Variants in NSF observed in about 807,000 individuals in gnomAD.
The protein encoded by NSF is N-ethylmaleimide sensitive factor, vesicle fusing ATPase, also known as vesicle-fusing ATPase.
NSF carries 14 observed loss-of-function variants against 50.3 expected under a neutral mutation model. The ratio of observed to expected loss-of-function variants is 0.28; its 90% CI spans 0.18 to 0.44. The LOEUF is 0.44. Ranked by LOEUF, NSF falls within the 20% of genes least tolerant of loss-of-function variation. NSF has a pLI of 1.00. For synonymous variants in NSF, 109 were observed against 175.7 expected, an observed-to-expected ratio of 0.62 and a Z score of 3.00; for missense variants, 218 against 504.3, an observed-to-expected ratio of 0.43 and a Z score of 5.44.
At chr17:46,597,768 T>TTTG (rs200558646) in intron 1 of NSF, among the ~76,000 whole-genome samples, 15,752 of 130,940 alleles carry the variant, frequency 0.12, 2,849 homozygotes, top group East Asian at 0.58. Flanking sequence ...ATCAAATGTT[T>TTTG]TTGTTGTTGT....
chr17:46,736,201 G>A (rs1240275444), intron 17 of NSF, among the ~76,000 whole-genome samples: 3 of 152,142 alleles, frequency 2.0e-5, no homozygotes. Context: ...GGGGATTAGG[G>A]ATTCCTGTTG....
chr17:46,745,285 TAATACACA>T (rs2059116895), intron 17 of NSF, among the ~76,000 whole-genome samples: 1 of 152,186 alleles, frequency 6.6e-6, no homozygotes, highest in Non-Finnish European at 1.5e-5. Flanking sequence ...TACCACTAAT[TAATACACA>T]AAATGGCCCA....
chr17:46,712,851 A>G (rs1318739952), intron 14 of NSF, among the ~76,000 whole-genome samples: 1 of 152,216 alleles, frequency 6.6e-6, no homozygotes, highest in Non-Finnish European at 1.5e-5. Context: ...GTGTTACAGA[A>G]GCCAAGAAAA....
chr17:46,739,821 C>T (rs1351014701), intron 17 of NSF, among the ~76,000 whole-genome samples: 3 of 151,892 alleles, frequency 2.0e-5, no homozygotes, highest in Non-Finnish European at 4.4e-5. Context: ...GCCTCAGCCT[C>T]CCAAGTAGCT....
In NSF at chr17:46,719,461, A is replaced by G. The variant is rs760282920; in HGVS notation, c.1761+5475A>G. ...AGTAGTTTATTCTCAATTAATTTAA[A>G]ATTCACCTTGTACTTCTCTTAATTT... On this transcript the variant is annotated intron_variant, in intron 15 of 20. Transcript: ENST00000398238. This position sits in a 1 kb window ranked among gnomAD's most constrained non-coding sequence, Gnocchi z 4.3. 5.3e-5 allele frequency among the ~76,000 whole-genome samples: 8 copies of G among 152,194 alleles called. No individual in the cohort carries two copies. Among genetic ancestry groups the G allele is most frequent in the Non-Finnish European group, 1.0e-4 (7 of 68,036 alleles).
At chr17:46,754,120 TA>T (rs1202723371) in intron 19 of NSF, among the ~76,000 whole-genome samples, 2 of 150,634 alleles carry the variant, frequency 1.3e-5, no homozygotes, top group Admixed American at 6.6e-5. Context: ...GAACTGCAAG[TA>T]CCAACTACAA....
At chr17:46,733,318 ATTT>A (rs976117721) in intron 17 of NSF, among the ~76,000 whole-genome samples, 7 of 151,574 alleles carry the variant, frequency 4.6e-5, no homozygotes, top group African/African-American at 1.7e-4. Flanking sequence ...CAGTGGCTTG[ATTT>A]TTCCTCATAG....
intron 9 of NSF, among the ~76,000 whole-genome samples, chr17:46,687,310 T>G (rs1303469068): frequency 7.0e-6 from 1 of 143,878 alleles, no homozygotes; most frequent in Non-Finnish European, 1.5e-5. Context: ...CCTTTTTTAT[T>G]CAGTTGTGTA....
intron 15 of NSF, among the ~76,000 whole-genome samples, chr17:46,714,589 T>C (rs941796409): frequency 1.3e-5 from 2 of 152,192 alleles, no homozygotes; most frequent in African/African-American, 4.8e-5. Context: ...CTGAAAAGAC[T>C]GTAAGACCAT....
At chr17:46,750,988 C>A (rs2059176936) in intron 18 of NSF, among the ~76,000 whole-genome samples, 1 of 151,978 alleles carries the variant, frequency 6.6e-6, no homozygotes, top group African/African-American at 2.4e-5. Flanking sequence ...TCACAAGTAA[C>A]TTGGTGAGCT....
At chr17:46,753,087 G>A (rs1251317759) in intron 19 of NSF, among the ~76,000 whole-genome samples, 1 of 152,156 alleles carries the variant, frequency 6.6e-6, no homozygotes. Flanking sequence ...TCTGTTGGAT[G>A]AATAACTGTA....
intron 17 of NSF, among the ~76,000 whole-genome samples, chr17:46,740,462 CAG>C (rs2059058387): frequency 6.6e-6 from 1 of 152,004 alleles, no homozygotes. Flanking sequence ...GATTAGAACA[CAG>C]GGGTCAATTT....
chr17:46,663,911 T>TG lies in NSF; in HGVS notation c.746-10502dup, dbSNP rs1054802403. Among the ~76,000 whole-genome samples the TG allele has an allele frequency of 6.3e-5, 5 of 79,644 alleles. No individual in the cohort carries two copies. In the Admixed American group the frequency reaches 6.8e-4, roughly 11 times the overall value. The allele number at this position is 79,644 out of a possible 152,430, so 52.2% of individuals were successfully genotyped here. ...TAGACCAGTCGGATGGTAGACAGCTTGCACAGCTGCTTGGTGCTCAGGAAA... is the reference window on the plus strand; with the variant it reads ...TAGACCAGTCGGATGGTAGACAGCTTGGCACAGCTGCTTGGTGCTCAGGAAA... On this transcript the variant is annotated intron_variant, in intron 8 of 20. Transcript: ENST00000398238.
chr17:46,680,274 A>T (rs557548671), intron 9 of NSF, among the ~76,000 whole-genome samples: 8 of 152,000 alleles, frequency 5.3e-5, no homozygotes, highest in African/African-American at 1.9e-4. Flanking sequence ...TTATATATTC[A>T]TGCAAAAACA....
intron 16 of NSF, among the ~76,000 whole-genome samples, chr17:46,727,836 C>T (rs2058906802): frequency 6.6e-6 from 1 of 152,172 alleles, no homozygotes; most frequent in African/African-American, 2.4e-5. Context: ...TAGTTATCAT[C>T]TGTGCATGCT....
At chr17:46,745,704 G>GT (rs2059121265) in intron 17 of NSF, among the ~76,000 whole-genome samples, 1 of 152,172 alleles carries the variant, frequency 6.6e-6, no homozygotes, top group South Asian at 2.1e-4. Flanking sequence ...AGAAGTAACA[G>GT]TTACCTTTAA....
intron 16 of NSF, among the ~76,000 whole-genome samples, chr17:46,727,944 T>G (rs2058907877): frequency 6.6e-6 from 1 of 152,188 alleles, no homozygotes; most frequent in South Asian, 2.1e-4. Context: ...TTATAACATA[T>G]GTTGGCAAAT....
At position 46,610,132 on chromosome 17, in the gene NSF, T is replaced by C. The variant is rs868681817; in HGVS notation, c.13-14112T>C. Reference sequence around the variant, plus strand: ...CTCTCTCTCTCTCTCTCTCTTCCTTTCTTCCTTTCTTTTTGTAGAGTTTGG... The same window carrying C: ...CTCTCTCTCTCTCTCTCTCTTCCTTCCTTCCTTTCTTTTTGTAGAGTTTGG... On this transcript the variant is annotated intron_variant, in intron 1 of 20. Coordinates refer to ENST00000398238, the MANE Select transcript of NSF (RefSeq NM_006178.4). Among the ~76,000 whole-genome samples the C allele has an allele frequency of 4.8e-3, 559 of 117,230 alleles. 18 individuals carry two copies. Among genetic ancestry groups the C allele is most frequent in the African/African-American group, 0.017 (535 of 31,598 alleles). 76.9% of individuals were successfully genotyped at this position (117,230 alleles called of 152,430 possible). A position where few individuals can be genotyped will look rare whatever the true frequency, so the allele number is the denominator to read the frequency against.
At position 46,755,351 on chromosome 17, in the gene NSF, T is replaced by C. The variant is rs2059222283; in HGVS notation, c.2195T>C (p.Leu732Pro). The C allele has an allele frequency of 6.2e-7, 1 of 1,613,678 alleles. No homozygotes were observed. Among genetic ancestry groups the C allele is most frequent in the African/African-American group, 1.3e-5 (1 of 75,052 alleles). ...PEYRVRKFLALLREEGASPLD... is the reference protein window; with the variant it reads ...PEYRVRKFLAPLREEGASPLD... ...TACCGTGTGAGAAAATTCTTGGCCCTCTTAAGAGAAGAAGGAGCGTAAGTA... is the reference window on the plus strand; with the variant it reads ...TACCGTGTGAGAAAATTCTTGGCCCCCTTAAGAGAAGAAGGAGCGTAAGTA... Residue 732 changes from leucine to proline, a missense_variant, in exon 20 of 21, where the codon CTC becomes CCC. Coordinates refer to ENST00000398238, the MANE Select transcript of NSF (RefSeq NM_006178.4).
Sources: gnomAD v4.1 joint callset for allele counts (sites outside exome capture counted in the v4.1 genomes callset) on GRCh38, gnomAD v4.1.1 for gene constraint, Gnocchi (gnomAD v3.1) non-coding constraint, MANE v1.5 for transcripts, NCBI Gene and HGNC (gene_info 2026-07-23, HGNC 2026-07-21) for gene names.